The following TGFBR3 variants were observed in gnomAD, a reference collection of about 807,000 sequenced individuals.
TGFBR3 encodes the protein transforming growth factor beta receptor 3, also known as transforming growth factor beta receptor type 3.
In TGFBR3, 46 loss-of-function variants were observed where a neutral mutation model predicts 87.9. The observed-to-expected ratio is 0.52, with a 90% CI of 0.41 to 0.67. The LOEUF (loss-of-function observed/expected upper bound fraction) is 0.67, where lower values mean the gene tolerates loss of function less well. Among genes scored for constraint, TGFBR3 ranks in the 30% least tolerant of loss-of-function variants. The pLI, the probability that TGFBR3 is intolerant of heterozygous loss-of-function variation, is 0.00. For missense variants in TGFBR3, 866 were observed against 1,041.9 expected (o/e 0.83, Z 2.32); for synonymous variants, 381 against 391.6 (o/e 0.97, Z 0.32).
At chr1:91,834,707 C>A (rs1034736275) in intron 2 of TGFBR3, among the ~76,000 whole-genome samples, 6 of 152,186 alleles carry the variant, frequency 3.9e-5, no homozygotes, top group Non-Finnish European at 5.9e-5. Flanking sequence ...AAGACAGAGT[C>A]TTGCTCTGTT....
intron 2 of TGFBR3, among the ~76,000 whole-genome samples, chr1:91,829,027 C>T (rs1676750750): frequency 6.6e-6 from 1 of 152,126 alleles, no homozygotes; most frequent in African/African-American, 2.4e-5. Context: ...TACCTCCCAA[C>T]CCCGCCCCCT....
chr1:91,704,802 T>C (rs1291989103), intron 14 of TGFBR3, among the ~76,000 whole-genome samples: 6 of 152,214 alleles, frequency 3.9e-5, no homozygotes, highest in Admixed American at 6.5e-5. Context: ...GAAGGTTCCA[T>C]TAAAAACAGT....
chr1:91,790,270 T>C (rs929872142), intron 3 of TGFBR3, among the ~76,000 whole-genome samples: 8 of 152,340 alleles, frequency 5.3e-5, no homozygotes, highest in African/African-American at 1.7e-4. Context: ...TGTGTTACAA[T>C]TGCCTACAAT....
At chr1:91,868,678 T>C (rs1678472682) in intron 1 of TGFBR3, among the ~76,000 whole-genome samples, 1 of 152,194 alleles carries the variant, frequency 6.6e-6, no homozygotes, top group Non-Finnish European at 1.5e-5. Flanking sequence ...GTTTAAATCA[T>C]AAAGCTGTAA....
Position 91,861,597 on chromosome 1 carries a change from G to A in TGFBR3, c.-66C>T, listed in dbSNP as rs1678198138. On this transcript the variant is annotated 5_prime_UTR_variant, in exon 2 of 17. Coordinates refer to ENST00000212355, the MANE Select transcript of TGFBR3 (RefSeq NM_003243.5). ...CCTGCTCAGAGCACAGACAATCTTT[G>A]CAAATCAGAAGTAGTCTTAAAGTCC... The A allele has an allele frequency of 7.5e-7, 1 of 1,325,564 alleles. No individual in the cohort carries two copies. Among genetic ancestry groups the A allele is most frequent in the East Asian group, 2.3e-5 (1 of 43,294 alleles). 82.1% of individuals were successfully genotyped at this position (1,325,564 alleles called of 1,614,324 possible).
At chr1:91,719,746 G>T in intron 9 of TGFBR3, 147 bp downstream of exon 9, 1 of 941,904 alleles carries the variant, frequency 1.1e-6, no homozygotes, top group Non-Finnish European at 1.7e-6. Context: ...TCACAGCCAA[G>T]GGGAAGTAGG....
At chr1:91,890,544 C>G (rs1375065053), upstream of TGFBR3, among the ~76,000 whole-genome samples, 1 of 150,596 alleles carries the variant, frequency 6.6e-6, no homozygotes, top group Non-Finnish European at 1.5e-5. Flanking sequence ...CTCAGCTTCC[C>G]GAGTAGCTGG....
At chr1:91,827,061 C>T (rs1294591051) in intron 2 of TGFBR3, among the ~76,000 whole-genome samples, 1 of 152,148 alleles carries the variant, frequency 6.6e-6, no homozygotes, top group Non-Finnish European at 1.5e-5. Context: ...GCAAAGACCA[C>T]ATTTTACTGA....
rs190277258 is a variant in TGFBR3 at position 91,872,983 on chromosome 1, G to A, written c.-113-11339C>T. Among the ~76,000 whole-genome samples, 39 of 151,882 alleles carry A rather than the reference G, an allele frequency of 2.6e-4. No homozygotes were observed. In the East Asian group the frequency reaches 7.4e-3, roughly 29 times the overall value. On this transcript the variant is annotated intron_variant, in intron 1 of 16. Coordinates refer to ENST00000212355, the MANE Select transcript of TGFBR3 (RefSeq NM_003243.5). Reference sequence around the variant, plus strand: ...TTTTTGACGGGGTGGTGGGAGGGGGGGATAGGGTTTCACTCTGTCACTCAG... The same window carrying A: ...TTTTTGACGGGGTGGTGGGAGGGGGAGATAGGGTTTCACTCTGTCACTCAG...
chr1:91,876,301 CG>C (rs1347601931), intron 1 of TGFBR3, among the ~76,000 whole-genome samples: 1 of 152,106 alleles, frequency 6.6e-6, no homozygotes, highest in East Asian at 1.9e-4. Flanking sequence ...TAAGACCTGC[CG>C]GGGCTGATCT....
intron 10 of TGFBR3, 145 bp from the exon 11 acceptor site, chr1:91,716,853 C>A: frequency 9.4e-7 from 1 of 1,059,284 alleles, no homozygotes; most frequent in Non-Finnish European, 1.4e-6. Flanking sequence ...AACATCCAGG[C>A]TTTTTCGAAT....
intron 1 of TGFBR3, among the ~76,000 whole-genome samples, chr1:91,875,724 C>G (rs1277672029): frequency 7.3e-6 from 1 of 136,464 alleles, no homozygotes; most frequent in Non-Finnish European, 1.5e-5. Context: ...CTTGTCTCTA[C>G]TAAAAATAGA....
intron 3 of TGFBR3, among the ~76,000 whole-genome samples, chr1:91,787,732 T>C (rs1675021233): frequency 6.6e-6 from 1 of 152,244 alleles, no homozygotes; most frequent in South Asian, 2.1e-4. Flanking sequence ...CTCAGCACTT[T>C]GGGAGTCCAA....
At chr1:91,703,393 G>C (rs148290592) in intron 14 of TGFBR3, among the ~76,000 whole-genome samples, 31 of 152,338 alleles carry the variant, frequency 2.0e-4, no homozygotes, top group African/African-American at 7.5e-4. Context: ...AACATTTACT[G>C]AGTATCCAAG....
At chr1:91,720,297 G>T in intron 8 of TGFBR3, 67 bp from the exon 9 acceptor site, 1 of 1,431,168 alleles carries the variant, frequency 7.0e-7, no homozygotes, top group Non-Finnish European at 9.6e-7. Context: ...ATCATTACAG[G>T]CAGAACAGGA....
chr1:91,767,902 A>G (rs1674234703), intron 3 of TGFBR3, among the ~76,000 whole-genome samples: 1 of 142,052 alleles, frequency 7.0e-6, no homozygotes. Context: ...AAAAAAAAAA[A>G]GCCATGCTCT....
intron 14 of TGFBR3, among the ~76,000 whole-genome samples, chr1:91,701,092 T>C (rs1000443778): frequency 3.3e-5 from 5 of 152,136 alleles, no homozygotes; most frequent in African/African-American, 9.7e-5. Flanking sequence ...GTTTAAGTTT[T>C]ATAGTAAGGC....
At chr1:91,786,633 C>T (rs1674973829) in intron 3 of TGFBR3, among the ~76,000 whole-genome samples, 1 of 151,094 alleles carries the variant, frequency 6.6e-6, no homozygotes, top group Admixed American at 6.6e-5. Context: ...TGCCTGTAAT[C>T]CCAGCTACCT....
chr1:91,861,541 T>C lies in TGFBR3; in HGVS notation c.-10A>G. On this transcript the variant is annotated 5_prime_UTR_variant, in exon 2 of 17. Transcript: ENST00000212355. ...CATAATGGGAAGTCATTTTTATTTC[T>C]CCAACAGTGCGTCTCGTCCAGTCAC... 1 of 1,612,084 alleles carries C rather than the reference T, an allele frequency of 6.2e-7. No homozygotes were observed.
Sources: gnomAD v4.1 joint callset for allele counts (sites outside exome capture counted in the v4.1 genomes callset) on GRCh38, gnomAD v4.1.1 for gene constraint, MANE v1.5 for transcripts, NCBI Gene and HGNC (gene_info 2026-07-23, HGNC 2026-07-21) for gene names.